Variants in RAPGEF4 observed in about 807,000 individuals in gnomAD.
The protein encoded by RAPGEF4 is RAP guanine-nucleotide-exchange factor (GEF) 4.
Under a neutral mutation model 147.9 loss-of-function variants are expected in RAPGEF4, and 66 were observed. The observed-to-expected ratio is 0.45, with a 90% confidence interval of 0.37 to 0.55. RAPGEF4 has a LOEUF of 0.55. RAPGEF4 is among the 20% of genes least tolerant of loss of function. The probability of loss-of-function intolerance (pLI) is 0.00; values close to 1 mark genes in which losing one functional copy is unlikely to be tolerated. For missense variants in RAPGEF4, 1,071 were observed against 1,257.3 expected (o/e 0.85, Z 2.24); for synonymous variants, 419 against 442.7 (o/e 0.95, Z 0.67).
At chr2:173,023,697 A>G (rs974787438) in intron 23 of RAPGEF4, among the ~76,000 whole-genome samples, 2 of 152,192 alleles carry the variant, frequency 1.3e-5, no homozygotes, top group African/African-American at 4.8e-5. Flanking sequence ...AGAACTTTGC[A>G]TATTTCTTAA....
At position 172,909,053 on chromosome 2, in the gene RAPGEF4, G is replaced by A. The variant is rs570923321; in HGVS notation, c.445-8749G>A. ...AGTCCTCCTGATAGGGGCCTCCCACGTGTATTAGCACCATGGCAGGGTGGC... is the reference window on the plus strand; with the variant it reads ...AGTCCTCCTGATAGGGGCCTCCCACATGTATTAGCACCATGGCAGGGTGGC... On this transcript the variant is annotated intron_variant, in intron 4 of 30. Coordinates refer to ENST00000397081, the MANE Select transcript of RAPGEF4 (RefSeq NM_007023.4). 1.4e-4 allele frequency among the ~76,000 whole-genome samples: 22 copies of A among 152,272 alleles called. 1 individual carries two copies. The East Asian group carries it at 2.9e-3, about 20-fold the overall frequency.
intron 4 of RAPGEF4, among the ~76,000 whole-genome samples, chr2:172,889,467 G>C (rs1236774007): frequency 6.6e-6 from 1 of 152,078 alleles, no homozygotes; most frequent in Non-Finnish European, 1.5e-5. Context: ...TTTGCTATCT[G>C]TTCATAGAAC....
At chr2:172,860,278 G>A (rs748889426) in intron 4 of RAPGEF4, 17 of 985,446 alleles carry the variant, frequency 1.7e-5, no homozygotes, top group Non-Finnish European at 2.0e-5. Context: ...CTGCCGTGGT[G>A]GACCTGGGAG....
At chr2:172,774,802 G>A (rs138848938) in intron 1 of RAPGEF4, among the ~76,000 whole-genome samples, 15 of 152,278 alleles carry the variant, frequency 9.9e-5, no homozygotes, top group Non-Finnish European at 1.5e-4. Flanking sequence ...TTCAAGGTCT[G>A]GTTCTTCCTT....
chr2:173,030,192 T>G lies in RAPGEF4; in HGVS notation c.2587T>G (p.Phe863Val), dbSNP rs1348837578. ...TAAGGAGTATAAAAATCTGAATTCC[T>G]TTTTTGCCATCGTCATGGGACTAAG... ...HCKEYKNLNSFFAIVMGLSNV... is the reference protein window; with the variant it reads ...HCKEYKNLNSVFAIVMGLSNV... Residue 863 changes from phenylalanine to valine, a missense_variant, in exon 26 of 31, where the codon TTT (phenylalanine) becomes GTT (valine). Phe to Val is a conservative substitution (Grantham distance 50). Coordinates refer to ENST00000397081, the MANE Select transcript of RAPGEF4 (RefSeq NM_007023.4). The G allele has an allele frequency of 6.2e-7, 1 of 1,612,450 alleles. No homozygotes were observed. Among genetic ancestry groups the G allele is most frequent in the South Asian group, 1.1e-5 (1 of 91,036 alleles).
At chr2:172,738,579 C>A (rs1028498360) in intron 1 of RAPGEF4, among the ~76,000 whole-genome samples, 3 of 152,140 alleles carry the variant, frequency 2.0e-5, no homozygotes, top group Admixed American at 2.0e-4. Context: ...ATGCTAATTT[C>A]TTCCCAACCA....
In RAPGEF4 at chr2:172,917,804, A is replaced by C. The variant is rs758164052; in HGVS notation, c.447A>C (p.Lys149Asn). The C allele has an allele frequency of 1.2e-6, 2 of 1,612,426 alleles. No individual in the cohort carries two copies. Among genetic ancestry groups the C allele is most frequent in the East Asian group, 4.5e-5 (2 of 44,884 alleles). ...GAGTTTACAATCTTGTCTTTCAGAA[A>C]TATCGACAGTATATGGCAGGACTTC... ...EQKDFKALWE[K>N]YRQYMAGLLA... Residue 149 changes from lysine to asparagine, a missense_variant and splice_region_variant, in exon 5 of 31, where the codon AAA (lysine) becomes AAC (asparagine). Transcript: ENST00000397081.
intron 4 of RAPGEF4, among the ~76,000 whole-genome samples, chr2:172,874,495 G>A (rs147319330): frequency 0.058 from 8,873 of 152,130 alleles, 335 homozygotes; most frequent in Middle Eastern, 0.095. Context: ...GAGAACATGC[G>A]ATGTTTGGTT....
intron 4 of RAPGEF4, among the ~76,000 whole-genome samples, chr2:172,852,640 C>T (rs1341991476): frequency 6.6e-6 from 1 of 152,040 alleles, no homozygotes; most frequent in Non-Finnish European, 1.5e-5. Context: ...TTTTTCCTGC[C>T]TTATCACACT....
intron 1 of RAPGEF4, among the ~76,000 whole-genome samples, chr2:172,739,172 C>T (rs375982939): frequency 8.1e-4 from 123 of 152,176 alleles, no homozygotes; most frequent in African/African-American, 2.9e-3. Context: ...GATGGATAAA[C>T]CAACATTGAA....
At chr2:172,797,983 C>T (rs984770472) in intron 3 of RAPGEF4, among the ~76,000 whole-genome samples, 1 of 152,158 alleles carries the variant, frequency 6.6e-6, no homozygotes. Flanking sequence ...GATCCTTTCT[C>T]CATCTTTGTA....
At chr2:172,781,822 G>T (rs562527752) in intron 1 of RAPGEF4, among the ~76,000 whole-genome samples, 1 of 152,226 alleles carries the variant, frequency 6.6e-6, no homozygotes, top group East Asian at 1.9e-4. Flanking sequence ...AATGTAAACA[G>T]GATGCAAATA....
chr2:172,877,678 G>A (rs1358754254), intron 4 of RAPGEF4, among the ~76,000 whole-genome samples: 1 of 152,086 alleles, frequency 6.6e-6, no homozygotes, highest in Non-Finnish European at 1.5e-5. Context: ...CCCTAGACCG[G>A]CCTCTCAGAT....
intron 9 of RAPGEF4, among the ~76,000 whole-genome samples, chr2:172,966,111 C>A (rs546638910): frequency 6.6e-6 from 1 of 152,256 alleles, no homozygotes; most frequent in South Asian, 2.1e-4. Context: ...GTGCCGCTGT[C>A]TGGGAGAGCC....
At chr2:172,995,245 T>TTGTTTGTG (rs1480501295) in intron 15 of RAPGEF4, among the ~76,000 whole-genome samples, 1 of 138,590 alleles carries the variant, frequency 7.2e-6, no homozygotes, top group African/African-American at 2.8e-5. Flanking sequence ...ACTTGCCTGT[T>TTGTTTGTG]TGTGTGTGTG....
intron 4 of RAPGEF4, among the ~76,000 whole-genome samples, chr2:172,875,223 T>C (rs1210330889): frequency 6.6e-6 from 1 of 152,246 alleles, no homozygotes; most frequent in Non-Finnish European, 1.5e-5. Context: ...TGGTAGTTTC[T>C]TTTGCTGTGC....
At chr2:172,967,543 G>A in intron 10 of RAPGEF4, 99 bp downstream of exon 10, 1 of 1,284,634 alleles carries the variant, frequency 7.8e-7, no homozygotes, top group Non-Finnish European at 1.1e-6. Flanking sequence ...AAAAGCCCTG[G>A]CCATCCCCCA....
Position 172,736,006 on chromosome 2 carries a change from A to T in RAPGEF4, c.23A>T (p.His8Leu), listed in dbSNP as rs1375983141. MVAAHAA[H>L]SSSSAEWIAC... ...AACATGGTCGCTGCGCACGCTGCCC[A>T]TTCTTCCTCCTCTGCCGAGTGGATC... Residue 8 changes from histidine (H) to leucine (L), a missense_variant, in exon 1 of 31, where the codon CAT becomes CTT. Physicochemically the swap from His to Leu is moderately conservative, Grantham distance 99 (BLOSUM62 -3). Transcript: ENST00000397081. 6.8e-7 allele frequency: 1 copy of T among 1,479,816 alleles called. No individual in the cohort carries two copies. Among genetic ancestry groups the T allele is most frequent in the Non-Finnish European group, 9.0e-7 (1 of 1,113,696 alleles). The allele number at this position is 1,479,816 out of a possible 1,614,324, so 91.7% of individuals were successfully genotyped here.
chr2:172,766,273 C>T (rs994777304), intron 1 of RAPGEF4, among the ~76,000 whole-genome samples: 8 of 151,982 alleles, frequency 5.3e-5, no homozygotes, highest in East Asian at 3.9e-4. Context: ...AATTTGGGGC[C>T]GGGCACGGTG....
Sources: allele counts gnomAD v4.1 joint callset (sites outside exome capture counted in the v4.1 genomes callset), GRCh38; gene constraint gnomAD v4.1.1; transcripts MANE v1.5; gene names NCBI Gene and HGNC (gene_info 2026-07-23, HGNC 2026-07-21).